The following CUX2 variants were observed in gnomAD, a reference collection of about 807,000 sequenced individuals.
CUX2 encodes the protein homeobox protein cut-like 2.
Under a neutral mutation model 144.8 loss-of-function variants are expected in CUX2, and 40 were observed. The observed-to-expected ratio is 0.28, with a 90% CI of 0.21 to 0.36. CUX2 has a LOEUF of 0.36. Ranked by LOEUF, CUX2 falls within the 10% of genes least tolerant of loss-of-function variation. CUX2 has a pLI of 1.00. For missense variants in CUX2, 1,615 were observed against 1,994.0 expected (o/e 0.81, Z 3.62); for synonymous variants, 827 against 875.6 (o/e 0.94, Z 0.98).
At chr12:111,194,368 A>C (rs566482101) in intron 1 of CUX2, among the ~76,000 whole-genome samples, 31 of 152,234 alleles carry the variant, frequency 2.0e-4, no homozygotes, top group Non-Finnish European at 3.8e-4. Context: ...CGAGTTTGCA[A>C]ACTGGCAGGC....
At chr12:111,241,082 G>C (rs1345255666) in intron 3 of CUX2, among the ~76,000 whole-genome samples, 1 of 152,168 alleles carries the variant, frequency 6.6e-6, no homozygotes, top group East Asian at 1.9e-4. Context: ...TGGCTGCAAA[G>C]TTCAAGTTTG....
At chr12:111,317,341 C>T (rs534366849) in intron 16 of CUX2, among the ~76,000 whole-genome samples, 4 of 152,306 alleles carry the variant, frequency 2.6e-5, no homozygotes, top group Admixed American at 2.0e-4. Flanking sequence ...GTTCATGACA[C>T]ACTCTCAGGG....
chr12:111,034,761 C>T lies in CUX2; in HGVS notation c.63+521C>T, dbSNP rs886282986. ...GGAGGAGGAGAGAGGAGGAGGGAGCCGGGGTTGGCGAGGAGGCGGCTCCGC... is the reference window on the plus strand; with the variant it reads ...GGAGGAGGAGAGAGGAGGAGGGAGCTGGGGTTGGCGAGGAGGCGGCTCCGC... On this transcript the variant is annotated intron_variant, in intron 1 of 21. Coordinates refer to ENST00000261726, the MANE Select transcript of CUX2 (RefSeq NM_015267.4). The surrounding 1 kb of genome is among the most constrained non-coding windows in gnomAD (Gnocchi z 4.2). Among the ~76,000 whole-genome samples the T allele has an allele frequency of 6.7e-6, 1 of 150,188 alleles. No individual in the cohort carries two copies. Among genetic ancestry groups the T allele is most frequent in the Non-Finnish European group, 1.5e-5 (1 of 66,928 alleles).
chr12:111,310,032 G>A lies in CUX2; in HGVS notation c.1259-9G>A. On this transcript the variant is annotated splice_polypyrimidine_tract_variant and intron_variant, in intron 14 of 21. Transcript: ENST00000261726. This position sits in a 1 kb window ranked among gnomAD's most constrained non-coding sequence, Gnocchi z 7.9. ...TCTGTCTGTCTGTCTGTCTGTCTGG[G>A]TGTTCTAGAGGAAGACCCATCAGAG... 1 of 1,294,808 alleles carries A rather than the reference G, an allele frequency of 7.7e-7. No individual in the cohort carries two copies. Among genetic ancestry groups the A allele is most frequent in the Non-Finnish European group, 9.8e-7 (1 of 1,021,192 alleles). The allele number at this position is 1,294,808 out of a possible 1,614,324, so 80.2% of individuals were successfully genotyped here. A position where few individuals can be genotyped will look rare whatever the true frequency, so the allele number is the denominator to read the frequency against.
intron 1 of CUX2, among the ~76,000 whole-genome samples, chr12:111,150,885 A>G (rs1036896068): frequency 2.6e-5 from 4 of 152,110 alleles, no homozygotes; most frequent in Non-Finnish European, 5.9e-5. Flanking sequence ...TTTCGCAGCA[A>G]TGGTGGGAGG....
intron 1 of CUX2, among the ~76,000 whole-genome samples, chr12:111,104,841 C>A (rs148866453): frequency 6.6e-6 from 1 of 152,184 alleles, no homozygotes; most frequent in Non-Finnish European, 1.5e-5. Flanking sequence ...GTGACCTTGA[C>A]GCCTTTCAGG....
chr12:111,179,985 T>G (rs1879071628), intron 1 of CUX2, among the ~76,000 whole-genome samples: 1 of 152,286 alleles, frequency 6.6e-6, no homozygotes, highest in African/African-American at 2.4e-5. Flanking sequence ...GCCCAGCCCC[T>G]GGGACTGTAA....
At chr12:111,191,349 T>A (rs182621621) in intron 1 of CUX2, among the ~76,000 whole-genome samples, 6 of 143,474 alleles carry the variant, frequency 4.2e-5, no homozygotes, top group African/African-American at 8.1e-5. Flanking sequence ...TTATTTATTT[T>A]GAGACAGAGT....
chr12:111,344,947 T>A (rs1175747425), intron 21 of CUX2, among the ~76,000 whole-genome samples: 1 of 152,000 alleles, frequency 6.6e-6, no homozygotes, highest in African/African-American at 2.4e-5. Context: ...CTTTTTTTGT[T>A]TAGTAGAGAT....
At chr12:111,223,821 G>C (rs1051660895) in intron 3 of CUX2, among the ~76,000 whole-genome samples, 3 of 152,118 alleles carry the variant, frequency 2.0e-5, no homozygotes, top group African/African-American at 7.2e-5. Context: ...CATGCCCTCT[G>C]CCTGAAATTC....
At chr12:111,155,738 A>G (rs1877331503) in intron 1 of CUX2, among the ~76,000 whole-genome samples, 1 of 152,174 alleles carries the variant, frequency 6.6e-6, no homozygotes, top group African/African-American at 2.4e-5. Flanking sequence ...CACCAGCCGG[A>G]AAGTTCAGCC....
intron 1 of CUX2, among the ~76,000 whole-genome samples, chr12:111,170,485 G>A (rs1413797137): frequency 2.0e-5 from 3 of 147,976 alleles, no homozygotes; most frequent in African/African-American, 7.4e-5. Flanking sequence ...AGGATAGGGT[G>A]ATGTGCCCAG....
chr12:111,235,858 C>G (rs1029721058), intron 3 of CUX2, among the ~76,000 whole-genome samples: 1 of 152,084 alleles, frequency 6.6e-6, no homozygotes, highest in Admixed American at 6.6e-5. Context: ...GACAGAGGGT[C>G]TGGGGCTCAG....
chr12:111,082,464 C>T (rs1176489172), intron 1 of CUX2, among the ~76,000 whole-genome samples: 1 of 152,108 alleles, frequency 6.6e-6, no homozygotes, highest in Non-Finnish European at 1.5e-5. Flanking sequence ...CTACGGTGTG[C>T]CAAGGACCGT....
intron 3 of CUX2, among the ~76,000 whole-genome samples, chr12:111,229,998 A>G (rs1178765962): frequency 6.7e-6 from 1 of 149,944 alleles, no homozygotes; most frequent in African/African-American, 2.5e-5. Flanking sequence ...TGGATGACAA[A>G]GTGAGACCCT....
In CUX2 at chr12:111,035,525, G is replaced by A. The variant is rs1869393818; in HGVS notation, c.63+1285G>A. ...GGGATCAGGGGCGGGAAAATGGTGCGGATAACAGGGCGGTTAGAGCATCCT... is the reference window on the plus strand; with the variant it reads ...GGGATCAGGGGCGGGAAAATGGTGCAGATAACAGGGCGGTTAGAGCATCCT... On this transcript the variant is annotated intron_variant, in intron 1 of 21. Transcript: ENST00000261726. This position sits in a 1 kb window ranked among gnomAD's most constrained non-coding sequence, Gnocchi z 6.0. Among the ~76,000 whole-genome samples, 1 of 152,164 alleles carries A rather than the reference G, an allele frequency of 6.6e-6. No individual in the cohort carries two copies. Among genetic ancestry groups the A allele is most frequent in the African/African-American group, 2.4e-5 (1 of 41,422 alleles).
At chr12:111,100,824 T>C (rs1873182199) in intron 1 of CUX2, among the ~76,000 whole-genome samples, 1 of 152,202 alleles carries the variant, frequency 6.6e-6, no homozygotes, top group African/African-American at 2.4e-5. Context: ...ATGTGTTGCA[T>C]ATGAGCACAT....
At chr12:111,096,258 A>G (rs2136061476) in intron 1 of CUX2, among the ~76,000 whole-genome samples, 1 of 152,250 alleles carries the variant, frequency 6.6e-6, no homozygotes, top group South Asian at 2.1e-4. Flanking sequence ...GGTGAGGGGA[A>G]ATCAGACCTT....
At chr12:111,316,438 G>A (rs945784751) in intron 16 of CUX2, among the ~76,000 whole-genome samples, 27 of 141,676 alleles carry the variant, frequency 1.9e-4, no homozygotes, top group Non-Finnish European at 2.5e-4. Flanking sequence ...GAGCCACCGC[G>A]CCCGGCACTT....
Sources: allele counts gnomAD v4.1 joint callset (sites outside exome capture counted in the v4.1 genomes callset), GRCh38; gene constraint gnomAD v4.1.1; non-coding constraint Gnocchi (gnomAD v3.1); transcripts MANE v1.5; gene names NCBI Gene and HGNC (gene_info 2026-07-23, HGNC 2026-07-21).